The following KHDC1 variants were observed in gnomAD, a reference collection of about 807,000 sequenced individuals.
KHDC1 encodes the protein KH homology domain-containing protein 1.
Under a neutral mutation model 24.7 loss-of-function variants are expected in KHDC1, and 21 were observed. The ratio of observed to expected loss-of-function variants is 0.85; its 90% CI spans 0.60 to 1.23. The LOEUF (loss-of-function observed/expected upper bound fraction) is 1.23. KHDC1 is among the 50% of genes most tolerant of loss of function. KHDC1 has a pLI of 0.00. For missense variants in KHDC1, 274 were observed against 298.5 expected, an observed-to-expected ratio of 0.92 and a Z score of 0.61; for synonymous variants, 98 against 111.7, an observed-to-expected ratio of 0.88 and a Z score of 0.77.
chr6:73,308,604 G>A (rs926160309), intron 1 of KHDC1, among the ~76,000 whole-genome samples: 9 of 150,734 alleles, frequency 6.0e-5, no homozygotes, highest in Admixed American at 1.3e-4. Context: ...CGACCTCCCC[G>A]GGCTCAGGTG....
intron 2 of KHDC1, chr6:73,268,962 G>C (rs1398582385): frequency 6.5e-6 from 1 of 154,702 alleles, no homozygotes; most frequent in African/African-American, 2.4e-5. Context: ...ACAGGAGCCC[G>C]TGGAGTGGGT....
chr6:73,248,389 ATCTGTCTCTCTCTCCTCTCTCTTCTC>A (rs1766713448), intron 2 of KHDC1, among the ~76,000 whole-genome samples: 1 of 146,960 alleles, frequency 6.8e-6, no homozygotes, highest in Non-Finnish European at 1.5e-5. Context: ...TCTCTCCTCT[ATCTGTCTCTCTCTCCTCTCTCTTCTC>A]TCTCATCTTC....
chr6:73,251,065 G>A (rs1008494076), intron 2 of KHDC1, among the ~76,000 whole-genome samples: 7 of 152,078 alleles, frequency 4.6e-5, no homozygotes, highest in Non-Finnish European at 8.8e-5. Context: ...GACCTCAAGC[G>A]ATCTGCCCGC....
intron 2 of KHDC1, among the ~76,000 whole-genome samples, chr6:73,242,851 T>C (rs1418676592): frequency 6.6e-6 from 1 of 152,052 alleles, no homozygotes; most frequent in Non-Finnish European, 1.5e-5. Flanking sequence ...GGACAGGGGT[T>C]GAGGGATGGA....
intron 2 of KHDC1, among the ~76,000 whole-genome samples, chr6:73,283,776 G>A (rs1010411184): frequency 1.3e-5 from 2 of 150,290 alleles, no homozygotes; most frequent in Admixed American, 6.7e-5. Context: ...GGGTTTCATC[G>A]TGTTGGCCAG....
chr6:73,303,363 A>C (rs1197851996), intron 1 of KHDC1, among the ~76,000 whole-genome samples: 2 of 152,158 alleles, frequency 1.3e-5, no homozygotes, highest in Admixed American at 6.5e-5. Flanking sequence ...GAAAATCACC[A>C]CTGGACCACA....
chr6:73,246,130 G>C (rs1766660707), intron 2 of KHDC1, among the ~76,000 whole-genome samples: 1 of 152,100 alleles, frequency 6.6e-6, no homozygotes, highest in Admixed American at 6.6e-5. Flanking sequence ...AATTTCCAAA[G>C]TTCTCTGATA....
At chr6:73,309,604 C>A (rs1359087754) in exon 1 of KHDC1, 1 of 1,547,148 alleles carries the variant, frequency 6.5e-7, no homozygotes, top group Admixed American at 2.0e-5. Context: ...TCAGGAGCAT[C>A]GCAAGGGTCT....
intron 1 of KHDC1, among the ~76,000 whole-genome samples, chr6:73,302,492 G>A (rs185651899): frequency 2.0e-5 from 3 of 152,236 alleles, no homozygotes; most frequent in Admixed American, 2.0e-4. Context: ...TTACCCCTAG[G>A]CTACAAACCT....
intron 2 of KHDC1, among the ~76,000 whole-genome samples, chr6:73,257,548 A>T (rs1371590634): frequency 6.6e-6 from 1 of 151,950 alleles, no homozygotes; most frequent in East Asian, 1.9e-4. Context: ...ACAGGTGCAC[A>T]CTACCACACC....
chr6:73,281,079 C>A (rs1254566586), intron 2 of KHDC1, among the ~76,000 whole-genome samples: 1 of 151,954 alleles, frequency 6.6e-6, no homozygotes, highest in Non-Finnish European at 1.5e-5. Flanking sequence ...CATGGTGGTG[C>A]CTGTCTGTAA....
chr6:73,303,274 G>T (rs1313875680), intron 1 of KHDC1, among the ~76,000 whole-genome samples: 1 of 151,970 alleles, frequency 6.6e-6, no homozygotes, highest in African/African-American at 2.4e-5. Context: ...GGGGGATTCA[G>T]GAGCCATTGG....
intron 1 of KHDC1, among the ~76,000 whole-genome samples, chr6:73,297,103 G>A (rs193298255): frequency 4.4e-4 from 67 of 152,128 alleles, no homozygotes; most frequent in Non-Finnish European, 8.5e-4. Flanking sequence ...GTTTTGCCAC[G>A]TTGGCCAGAC....
At chr6:73,267,304 A>G (rs1278679173) in intron 2 of KHDC1, among the ~76,000 whole-genome samples, 1 of 151,918 alleles carries the variant, frequency 6.6e-6, no homozygotes, top group Non-Finnish European at 1.5e-5. Context: ...ACATGGCAAA[A>G]CCCCATCTCT....
At chr6:73,292,931 G>A (rs1767683372) in intron 1 of KHDC1, 2 of 840,716 alleles carry the variant, frequency 2.4e-6, no homozygotes, top group Non-Finnish European at 4.0e-6. Context: ...TTGTCTTAAG[G>A]ATTTCATTGA....
At position 73,273,743 on chromosome 6, in the gene KHDC1, C is replaced by T. The variant is rs539272754; in HGVS notation, c.206+18255G>A. Among the ~76,000 whole-genome samples, 5 of 151,870 alleles carry T rather than the reference C, an allele frequency of 3.3e-5. No homozygotes were observed. In the East Asian group the frequency reaches 9.8e-4, roughly 30 times the overall value. The stretch of plus-strand genomic sequence containing the variant: ...AGGAGGCAGGAGAATGGCGTGAACC[C>T]GGGAGGTGGAGCTTGCAGTGAGCCG... On this transcript the variant is annotated intron_variant, in intron 2 of 4. Coordinates refer to ENST00000370384, the Ensembl canonical transcript of KHDC1.
At chr6:73,242,156 C>T in exon 4 of KHDC1, 1 of 1,614,148 alleles carries the variant, frequency 6.2e-7, no homozygotes. Context: ...ACGAGTCTGG[C>T]CTGTAGCTGT....
In KHDC1 at chr6:73,304,594, G is replaced by A. The variant is rs939822004; in HGVS notation, c.163+4958C>T. ...TAGGATGACAGGCGTGAGCCACTGCGCCAGCCACTTTTGTTCACATACCCT... is the reference window on the plus strand; with the variant it reads ...TAGGATGACAGGCGTGAGCCACTGCACCAGCCACTTTTGTTCACATACCCT... On this transcript the variant is annotated intron_variant, in intron 1 of 4. Coordinates refer to ENST00000370384, the Ensembl canonical transcript of KHDC1. 1.0e-3 allele frequency among the ~76,000 whole-genome samples: 157 copies of A among 152,006 alleles called. 1 individual carries two copies. Among genetic ancestry groups the A allele is most frequent in the African/African-American group, 3.5e-3 (144 of 41,526 alleles).
At chr6:73,305,290 C>T (rs983988188) in intron 1 of KHDC1, among the ~76,000 whole-genome samples, 2 of 151,694 alleles carry the variant, frequency 1.3e-5, no homozygotes, top group African/African-American at 2.4e-5. Flanking sequence ...AATAAAGAAA[C>T]AAATTTGAAG....
Sources: allele counts gnomAD v4.1 joint callset (sites outside exome capture counted in the v4.1 genomes callset), GRCh38; gene constraint gnomAD v4.1.1; transcripts MANE v1.5; gene names NCBI Gene and HGNC (gene_info 2026-07-23, HGNC 2026-07-21).